The following RBFOX1 variants were observed in gnomAD, a reference collection of about 807,000 sequenced individuals.
RBFOX1 encodes the protein RNA binding protein fox-1 homolog 1.
A neutral mutation model predicts 57.7 loss-of-function variants in RBFOX1; 8 were observed. That is an observed-to-expected ratio of 0.14 (90% CI 0.08 to 0.25). The LOEUF (loss-of-function observed/expected upper bound fraction) is 0.25. Ranked by LOEUF, RBFOX1 falls within the 10% of genes least tolerant of loss-of-function variation. RBFOX1 has a pLI of 1.00. For synonymous variants in RBFOX1, 326 were observed against 222.4 expected (o/e 1.47, Z -4.15); for missense variants, 611 against 548.5 (o/e 1.11, Z -1.14).
At chr16:5,742,809 G>A (rs944967831) in intron 3 of RBFOX1, among the ~76,000 whole-genome samples, 1 of 151,644 alleles carries the variant, frequency 6.6e-6, no homozygotes, top group Non-Finnish European at 1.5e-5. Flanking sequence ...GGGACTAAAG[G>A]TAAGCTAGCC....
chr16:7,276,619 C>T, intron 4 of RBFOX1, among the ~76,000 whole-genome samples: 1 of 152,166 alleles, frequency 6.6e-6, no homozygotes. Context: ...CTGGAAGAGA[C>T]CAGAATTTCC....
intron 2 of RBFOX1, among the ~76,000 whole-genome samples, chr16:6,433,962 C>G (rs1378281181): frequency 6.6e-6 from 1 of 151,756 alleles, no homozygotes; most frequent in Non-Finnish European, 1.5e-5. Context: ...ATTTCCATGC[C>G]TCATCCTCCC....
chr16:6,336,154 C>CATATATATATATATATATAT (rs768962177), intron 2 of RBFOX1, among the ~76,000 whole-genome samples: 1 of 43,216 alleles, frequency 2.3e-5, no homozygotes, highest in Non-Finnish European at 4.1e-5. Context: ...TATACATATA[C>CATATATATATATATATATAT]ATATATATAT....
chr16:7,024,674 G>T (rs972320498), intron 3 of RBFOX1, among the ~76,000 whole-genome samples: 3 of 152,182 alleles, frequency 2.0e-5, no homozygotes, highest in Non-Finnish European at 4.4e-5. Context: ...CAGGCACTTA[G>T]ATACGAATGG....
rs569664788 is a variant in RBFOX1, at chr16:6,980,414, T to A, written c.-15-71643T>A. 2.6e-5 allele frequency among the ~76,000 whole-genome samples: 4 copies of A among 152,310 alleles called. No individual in the cohort carries two copies. The East Asian group carries it at 5.8e-4, about 22-fold the overall frequency. On this transcript the variant is annotated intron_variant, in intron 3 of 15. Coordinates refer to ENST00000550418, the MANE Select transcript of RBFOX1 (RefSeq NM_018723.4). ...TCCTTCATGAGAGTTTACTTGCCATTTTCAAACACAGAAAGATATGTTTAC... is the reference window on the plus strand; with the variant it reads ...TCCTTCATGAGAGTTTACTTGCCATATTCAAACACAGAAAGATATGTTTAC...
At chr16:7,346,679 C>G (rs1312654443) in intron 4 of RBFOX1, among the ~76,000 whole-genome samples, 1 of 151,978 alleles carries the variant, frequency 6.6e-6, no homozygotes, top group Admixed American at 6.5e-5. Flanking sequence ...GCCCTGTTAT[C>G]AGAGACAAGT....
intron 2 of RBFOX1, among the ~76,000 whole-genome samples, chr16:5,510,730 G>A (rs914596426): frequency 6.6e-6 from 1 of 152,244 alleles, no homozygotes; most frequent in South Asian, 2.1e-4. Context: ...TAAAACTCAG[G>A]TGTATCAGCC....
intron 3 of RBFOX1, among the ~76,000 whole-genome samples, chr16:5,669,250 G>T (rs1221505917): frequency 6.6e-6 from 1 of 151,834 alleles, no homozygotes; most frequent in Admixed American, 6.6e-5. Context: ...TATTTGCTTG[G>T]TGGGGGAGTG....
intron 3 of RBFOX1, among the ~76,000 whole-genome samples, chr16:6,903,430 G>A (rs977073662): frequency 2.6e-5 from 4 of 152,164 alleles, no homozygotes; most frequent in African/African-American, 7.2e-5. Flanking sequence ...CGAAAGATCC[G>A]TGAAGTCTGC....
Position 7,653,816 on chromosome 16 carries a change from G to A in RBFOX1, c.759G>A (p.Met253Ile). 6.2e-7 allele frequency: 1 copy of A among 1,608,224 alleles called. No individual in the cohort carries two copies. The highest frequency in any genetic ancestry group is 1.1e-5 in the South Asian group (1 of 91,052). The change falls in exon 12 of 16, where the codon ATG becomes ATA. Residue 253 changes from methionine (M) to isoleucine (I), a missense_variant and splice_region_variant. Coordinates refer to ENST00000550418, the MANE Select transcript of RBFOX1 (RefSeq NM_018723.4). The part of the protein sequence containing the change: ...APSSLVYTSA[M>I]PGFPYPAATA... Reference sequence around the variant, plus strand: ...TCTCTCTCTCCTCTTGCCCCGCAGTGCCAGGCTTCCCGTATCCAGCAGCCA... The same window carrying A: ...TCTCTCTCTCCTCTTGCCCCGCAGTACCAGGCTTCCCGTATCCAGCAGCCA...
At chr16:7,516,736 T>C (rs1231943298) in intron 4 of RBFOX1, among the ~76,000 whole-genome samples, 1 of 152,214 alleles carries the variant, frequency 6.6e-6, no homozygotes, top group Non-Finnish European at 1.5e-5. Context: ...TTTAAACTTA[T>C]CCTAAGCTTA....
chr16:7,324,249 A>C (rs1004031740), intron 4 of RBFOX1, among the ~76,000 whole-genome samples: 1 of 152,174 alleles, frequency 6.6e-6, no homozygotes, highest in African/African-American at 2.4e-5. Context: ...AGAAAATAAT[A>C]GGCAGAAAGC....
intron 10 of RBFOX1, among the ~76,000 whole-genome samples, chr16:7,623,386 G>C (rs2059600528): frequency 6.6e-6 from 1 of 152,060 alleles, no homozygotes; most frequent in African/African-American, 2.4e-5. Flanking sequence ...GGAGCCCTGG[G>C]CTTCTTTTCT....
chr16:7,206,538 G>T (rs901688739), intron 4 of RBFOX1, among the ~76,000 whole-genome samples: 1 of 151,864 alleles, frequency 6.6e-6, no homozygotes, highest in African/African-American at 2.4e-5. Context: ...TCTCAAAAAT[G>T]AGTTGCTGCA....
intron 4 of RBFOX1, among the ~76,000 whole-genome samples, chr16:7,210,131 G>A (rs1462852219): frequency 2.0e-5 from 3 of 152,136 alleles, no homozygotes; most frequent in Non-Finnish European, 4.4e-5. Context: ...GCAATTGTGT[G>A]TATTCAATAA....
At chr16:7,507,151 A>C (rs969538958) in intron 4 of RBFOX1, among the ~76,000 whole-genome samples, 1 of 152,232 alleles carries the variant, frequency 6.6e-6, no homozygotes, top group Admixed American at 6.5e-5. Flanking sequence ...TTGATTTCAT[A>C]GTCACAGCAT....
intron 3 of RBFOX1, among the ~76,000 whole-genome samples, chr16:5,712,749 A>C (rs577972620): frequency 6.6e-6 from 1 of 152,234 alleles, no homozygotes; most frequent in Non-Finnish European, 1.5e-5. Flanking sequence ...CAAGGAAGCC[A>C]GTGGTTAGAT....
chr16:5,641,159 GTACACACATGCACACCATGGA>G (rs1278723493), intron 3 of RBFOX1, among the ~76,000 whole-genome samples: 1 of 131,488 alleles, frequency 7.6e-6, no homozygotes. Flanking sequence ...ACACATGCAT[GTACACACATGCACACCATGGA>G]TACACACAGG....
intron 1 of RBFOX1, among the ~76,000 whole-genome samples, chr16:6,027,476 C>A (rs527606607): frequency 6.6e-6 from 1 of 152,294 alleles, no homozygotes; most frequent in African/African-American, 2.4e-5. Flanking sequence ...ATCCCAGCTC[C>A]ATCACTTTCT....
Sources: allele counts gnomAD v4.1 joint callset (sites outside exome capture counted in the v4.1 genomes callset), GRCh38; gene constraint gnomAD v4.1.1; transcripts MANE v1.5; gene names NCBI Gene and HGNC (gene_info 2026-07-23, HGNC 2026-07-21).